Variants in LGR5 observed in about 807,000 individuals in gnomAD.
The protein encoded by LGR5 is leucine-rich repeat-containing G protein-coupled receptor 5.
A neutral mutation model predicts 76.7 loss-of-function variants in LGR5; 54 were observed. The ratio of observed to expected loss-of-function variants is 0.70; its 90% CI spans 0.57 to 0.88. The LOEUF (loss-of-function observed/expected upper bound fraction) is 0.88. LGR5 is among the 40% of genes least tolerant of loss of function. The pLI, the probability that LGR5 is intolerant of heterozygous loss-of-function variation, is 0.00. For missense variants in LGR5, 1,078 were observed against 1,073.3 expected, an observed-to-expected ratio of 1.00 and a Z score of -0.06; for synonymous variants, 406 against 421.9, an observed-to-expected ratio of 0.96 and a Z score of 0.46.
chr12:71,560,542 C>G (rs866221649), intron 7 of LGR5, among the ~76,000 whole-genome samples: 1 of 152,090 alleles, frequency 6.6e-6, no homozygotes, highest in South Asian at 2.1e-4. Context: ...CTGTAATCCC[C>G]GTGCTTTGGG....
chr12:71,480,104 C>T (rs35448659), intron 1 of LGR5, among the ~76,000 whole-genome samples: 13,562 of 152,144 alleles, frequency 0.089, 651 homozygotes, highest in Non-Finnish European at 0.11. Flanking sequence ...TAGCTAATGC[C>T]TGTAATCCCA....
Position 71,553,427 on chromosome 12 carries a change from C to G in LGR5, c.644+139C>G, listed in dbSNP as rs548781005. On this transcript the variant is annotated intron_variant, in intron 5 of 17. Transcript: ENST00000266674. ...CCTCCTGAGCCCCTCCCCAAAATGA[C>G]TTATAAATGCTCCAATTGTGTAAAT... 6.0e-6 allele frequency: 4 copies of G among 666,446 alleles called. No individual in the cohort carries two copies. In the East Asian group the frequency reaches 1.1e-4, roughly 18 times the overall value. The allele number at this position is 666,446 out of a possible 1,614,324, so 41.3% of individuals were successfully genotyped here.
rs1403563967 is a variant in LGR5 at position 71,566,691 on chromosome 12, T to G, written c.989T>G (p.Leu330Arg). 1 of 1,612,848 alleles carries G rather than the reference T, an allele frequency of 6.2e-7. No homozygotes were observed. Among genetic ancestry groups the G allele is most frequent in the South Asian group, 1.1e-5 (1 of 91,058 alleles). The stretch of plus-strand genomic sequence containing the variant: ...CCTGATTTAACTGGAACTGCAAACC[T>G]GGAGAGTCTGTAAGTACTGAGTAGA... The part of the protein sequence containing the change: ...EFPDLTGTAN[L>R]ESLTLTGAQI... The change falls in exon 10 of 18, where the codon CTG (leucine) becomes CGG (arginine). Residue 330 changes from leucine to arginine, a missense_variant. Leu to Arg is a moderately radical substitution (Grantham distance 102). Coordinates refer to ENST00000266674, the MANE Select transcript of LGR5 (RefSeq NM_003667.4).
At position 71,566,846 on chromosome 12, in the gene LGR5, T is replaced by C. The variant is rs773780730; in HGVS notation, c.1004T>C (p.Leu335Ser). 1.1e-5 allele frequency: 18 copies of C among 1,613,406 alleles called. No individual in the cohort carries two copies. The highest frequency in any genetic ancestry group is 1.2e-5 in the Non-Finnish European group (14 of 1,179,438). The part of the protein sequence containing the change: ...TGTANLESLT[L>S]TGAQISSLPQ... Reference sequence around the variant, plus strand: ...TCTGGTTTGTGTTTTAACAGGACTTTAACTGGAGCACAGATCTCATCTCTT... The same window carrying C: ...TCTGGTTTGTGTTTTAACAGGACTTCAACTGGAGCACAGATCTCATCTCTT... Residue 335 changes from leucine to serine, a missense_variant, in exon 11 of 18, where the codon TTA becomes TCA. Physicochemically the swap from Leu to Ser is moderately radical, Grantham distance 145 (BLOSUM62 -2). Transcript: ENST00000266674.
chr12:71,503,847 T>A (rs1263846379), intron 1 of LGR5, among the ~76,000 whole-genome samples: 1 of 152,074 alleles, frequency 6.6e-6, no homozygotes, highest in Non-Finnish European at 1.5e-5. Context: ...CATATACCCA[T>A]GATGCTGTGG....
chr12:71,447,547 G>A (rs1183605043), intron 1 of LGR5, among the ~76,000 whole-genome samples: 2 of 152,086 alleles, frequency 1.3e-5, no homozygotes, highest in African/African-American at 2.4e-5. Context: ...ATTTTCAAAT[G>A]TCCTATTTTT....
At chr12:71,457,717 A>G (rs1872541446) in intron 1 of LGR5, among the ~76,000 whole-genome samples, 1 of 152,136 alleles carries the variant, frequency 6.6e-6, no homozygotes, top group Non-Finnish European at 1.5e-5. Context: ...CTTTACCTTC[A>G]TGTAAAAAGG....
In LGR5 at chr12:71,577,963, A is replaced by G. The variant is rs140436677; in HGVS notation, c.1247A>G (p.Asn416Ser). 81 of 1,613,572 alleles carry G rather than the reference A, an allele frequency of 5.0e-5. No homozygotes were observed. The highest frequency in any genetic ancestry group is 4.2e-4 in the Admixed American group (25 of 60,010). The change falls in exon 14 of 18, where the codon AAT becomes AGT. Residue 416 changes from asparagine (N) to serine (S), a missense_variant. Transcript: ENST00000266674. ...AACAAAATTGCTATTATTCACCCCA[A>G]TGCATTTTCCACTTTGCCATCCCTA... Reference protein sequence around the residue: ...AWNKIAIIHPNAFSTLPSLIK... With the variant: ...AWNKIAIIHPSAFSTLPSLIK...
At chr12:71,578,348 C>A (rs1878947789) in intron 14 of LGR5, among the ~76,000 whole-genome samples, 1 of 152,076 alleles carries the variant, frequency 6.6e-6, no homozygotes, top group African/African-American at 2.4e-5. Flanking sequence ...CCTGTCCCTT[C>A]CCCCCACGCC....
intron 1 of LGR5, among the ~76,000 whole-genome samples, chr12:71,493,943 ATTTTT>A (rs547681278): frequency 8.6e-6 from 1 of 116,610 alleles, no homozygotes; most frequent in East Asian, 2.5e-4. Flanking sequence ...TAATTTTTTG[ATTTTT>A]TTTTTTTTTT....
intron 4 of LGR5, among the ~76,000 whole-genome samples, chr12:71,550,619 C>T (rs543070114): frequency 6.6e-6 from 1 of 151,944 alleles, no homozygotes; most frequent in African/African-American, 2.4e-5. Context: ...CATCACCACA[C>T]CCAGCTAATT....
At chr12:71,512,675 G>A (rs1246989215) in intron 2 of LGR5, among the ~76,000 whole-genome samples, 1 of 152,224 alleles carries the variant, frequency 6.6e-6, no homozygotes, top group Non-Finnish European at 1.5e-5. Flanking sequence ...GTCTAAAGAT[G>A]AGAGATGACT....
chr12:71,479,803 G>A (rs936366065), intron 1 of LGR5, among the ~76,000 whole-genome samples: 15 of 151,158 alleles, frequency 9.9e-5, no homozygotes, highest in Admixed American at 6.6e-5. Flanking sequence ...CACAGTGGTG[G>A]GTATAACAAC....
chr12:71,473,909 C>T (rs1046458094), intron 1 of LGR5, among the ~76,000 whole-genome samples: 6 of 152,134 alleles, frequency 3.9e-5, no homozygotes, highest in Admixed American at 6.5e-5. Context: ...CCTCGCTTTC[C>T]CAGAGGTCAG....
chr12:71,541,116 A>G (rs1411079008), intron 4 of LGR5, among the ~76,000 whole-genome samples: 1 of 152,210 alleles, frequency 6.6e-6, no homozygotes, highest in Non-Finnish European at 1.5e-5. Context: ...GCACCCAGTG[A>G]ATTCTTATGA....
chr12:71,484,464 T>TA (rs1873742128), intron 1 of LGR5, among the ~76,000 whole-genome samples: 1 of 152,226 alleles, frequency 6.6e-6, no homozygotes, highest in Non-Finnish European at 1.5e-5. Flanking sequence ...GTCCACCTCC[T>TA]ACTGGTAATT....
intron 5 of LGR5, among the ~76,000 whole-genome samples, chr12:71,554,050 C>T (rs1017252278): frequency 4.6e-5 from 7 of 152,084 alleles, no homozygotes; most frequent in African/African-American, 1.7e-4. Context: ...CCACTGCACT[C>T]CACCCTGGGG....
At chr12:71,516,559 G>C (rs1875452285) in intron 2 of LGR5, among the ~76,000 whole-genome samples, 1 of 151,378 alleles carries the variant, frequency 6.6e-6, no homozygotes. Flanking sequence ...TGTTTAGAGA[G>C]GAAAAATTAG....
At chr12:71,541,363 C>A (rs1345482639) in intron 4 of LGR5, among the ~76,000 whole-genome samples, 1 of 152,050 alleles carries the variant, frequency 6.6e-6, no homozygotes, top group East Asian at 1.9e-4. Context: ...GCAGTCATAT[C>A]AGAGAAATAA....
Sources: allele counts gnomAD v4.1 joint callset (sites outside exome capture counted in the v4.1 genomes callset), GRCh38; gene constraint gnomAD v4.1.1; transcripts MANE v1.5; gene names NCBI Gene and HGNC (gene_info 2026-07-23, HGNC 2026-07-21).